USH2A: variants seen among roughly 807,000 people sequenced by gnomAD.
USH2A encodes the protein usherin.
USH2A carries 443 observed loss-of-function variants against 538.9 expected under a neutral mutation model. The ratio of observed to expected loss-of-function variants is 0.82; its 90% CI spans 0.76 to 0.89. The LOEUF (loss-of-function observed/expected upper bound fraction) is 0.89, where lower values mean the gene tolerates loss of function less well. Ranked by LOEUF, USH2A falls within the 40% of genes least tolerant of loss-of-function variation. The pLI is 0.00. For missense variants in USH2A, 6,633 were observed against 6,324.8 expected (o/e 1.05, Z -1.65); for synonymous variants, 2,413 against 2,273.5 (o/e 1.06, Z -1.75).
intron 61 of USH2A, among the ~76,000 whole-genome samples, chr1:215,695,240 T>C (rs1658763417): frequency 1.3e-5 from 2 of 152,216 alleles, no homozygotes; most frequent in African/African-American, 2.4e-5. Flanking sequence ...CTGACACTGA[T>C]ATAAGATGGA....
Position 216,257,339 on chromosome 1 carries a change from G to A in USH2A, c.1972-6241C>T, listed in dbSNP as rs889378183. 2.0e-5 allele frequency among the ~76,000 whole-genome samples: 3 copies of A among 151,442 alleles called. No homozygotes were observed. The South Asian group carries it at 6.2e-4, about 32-fold the overall frequency. The stretch of plus-strand genomic sequence containing the variant: ...TATTTATTTTCTTTCATAGTTATAA[G>A]AATGTTGCCCCACTGTCTTCTTCTT... On this transcript the variant is annotated intron_variant, in intron 11 of 71. Transcript: ENST00000307340.
At chr1:215,810,817 A>C (rs1383144480) in intron 49 of USH2A, among the ~76,000 whole-genome samples, 1 of 152,148 alleles carries the variant, frequency 6.6e-6, no homozygotes, top group Non-Finnish European at 1.5e-5. Context: ...CAAAATCCTT[A>C]TTTCCATATA....
At chr1:215,895,798 G>A (rs1037580222) in intron 40 of USH2A, among the ~76,000 whole-genome samples, 12 of 152,288 alleles carry the variant, frequency 7.9e-5, no homozygotes, top group Admixed American at 3.3e-4. Context: ...ACCATTAGGC[G>A]ATTTCATTGT....
intron 30 of USH2A, among the ~76,000 whole-genome samples, chr1:216,056,320 G>T (rs2102533572): frequency 6.6e-6 from 1 of 152,306 alleles, no homozygotes; most frequent in East Asian, 1.9e-4. Context: ...AAGAGGAAAA[G>T]AAAAGAAAGA....
intron 47 of USH2A, among the ~76,000 whole-genome samples, chr1:215,829,102 A>G (rs762160789): frequency 1.3e-5 from 2 of 152,314 alleles, no homozygotes; most frequent in South Asian, 4.2e-4. Context: ...GTTATCGATC[A>G]GTAGTTAGTA....
intron 41 of USH2A, among the ~76,000 whole-genome samples, chr1:215,883,507 C>T (rs752220883): frequency 4.0e-4 from 61 of 151,380 alleles, no homozygotes; most frequent in South Asian, 1.3e-3. Flanking sequence ...TGAAATTCTC[C>T]TTTTTTTCTA....
chr1:215,627,445 C>CTTCCTTCTTTCCTTCCTTCT (rs1656087845), intron 71 of USH2A, among the ~76,000 whole-genome samples: 5 of 78,740 alleles, frequency 6.4e-5, no homozygotes, highest in South Asian at 4.2e-4. Flanking sequence ...TCCTTCCTTC[C>CTTCCTTCTTTCCTTCCTTCT]TTCCTTCCTT....
At chr1:216,353,812 C>A (rs1430797746) in intron 4 of USH2A, among the ~76,000 whole-genome samples, 1 of 152,050 alleles carries the variant, frequency 6.6e-6, no homozygotes, top group Non-Finnish European at 1.5e-5. Context: ...GCCAGATAAG[C>A]CCTAAAGTCA....
At chr1:215,960,044 A>G (rs1290463268) in intron 37 of USH2A, among the ~76,000 whole-genome samples, 1 of 152,180 alleles carries the variant, frequency 6.6e-6, no homozygotes, top group African/African-American at 2.4e-5. Context: ...GAAGAATCCA[A>G]GGGAAGTCTA....
intron 21 of USH2A, among the ~76,000 whole-genome samples, chr1:216,124,647 A>T (rs1227510606): frequency 6.6e-6 from 1 of 152,184 alleles, no homozygotes; most frequent in Admixed American, 6.5e-5. Context: ...CCGAGTTTTA[A>T]ATCAGAACAA....
At chr1:215,743,386 A>ATATATATATATATATATATGTGTGTGTG (rs878870284) in intron 58 of USH2A, 51 bp from the exon 59 acceptor site, 1 of 310,006 alleles carries the variant, frequency 3.2e-6, no homozygotes, top group African/African-American at 3.3e-5. Flanking sequence ...ATATATATAT[A>ATATATATATATATATATATGTGTGTGTG]TGTGTGTGTG....
rs1165784341 is a variant in USH2A, at chr1:216,289,168, CAT to C, written c.1971+110_1971+111del. On this transcript the variant is annotated intron_variant, in intron 11 of 71. Transcript: ENST00000307340. ...ACCATCTCTTTGAAATGCAAATGCA[CAT>C]AGAGGATTTCCTGGCAAATGCAGTC... 16 of 1,491,912 alleles carry C rather than the reference CAT, an allele frequency of 1.1e-5. No individual in the cohort carries two copies. In the African/African-American group the frequency reaches 1.9e-4, roughly 18 times the overall value. The allele number at this position is 1,491,912 out of a possible 1,614,324, so 92.4% of individuals were successfully genotyped here. A position where few individuals can be genotyped will look rare whatever the true frequency, so the allele number is the denominator to read the frequency against.
chr1:216,355,318 AG>A (rs2038366121), intron 4 of USH2A, among the ~76,000 whole-genome samples: 2 of 56,674 alleles, frequency 3.5e-5, no homozygotes, highest in East Asian at 7.3e-4. Flanking sequence ...AAAGAAAGAA[AG>A]AAAGAAAGAA....
intron 32 of USH2A, among the ~76,000 whole-genome samples, chr1:216,015,989 T>C (rs1668701119): frequency 6.6e-6 from 1 of 152,132 alleles, no homozygotes; most frequent in South Asian, 2.1e-4. Flanking sequence ...TTGGTACATA[T>C]ACACCATGGA....
chr1:216,254,264 A>T (rs1174165089), intron 11 of USH2A, among the ~76,000 whole-genome samples: 1 of 152,158 alleles, frequency 6.6e-6, no homozygotes. Context: ...TCAGTTTCCC[A>T]AGATTCAACT....
rs536470958 is a variant in USH2A at position 216,183,178 on chromosome 1, C to T, written c.4396+7045G>A. On this transcript the variant is annotated intron_variant, in intron 20 of 71. Transcript: ENST00000307340. ...TTCTCTGAAAGTGACATCATCCTTTCATTTGTTTGTTTTGCCCCAGCCTGA... is the reference window on the plus strand; with the variant it reads ...TTCTCTGAAAGTGACATCATCCTTTTATTTGTTTGTTTTGCCCCAGCCTGA... Among the ~76,000 whole-genome samples, 3 of 151,822 alleles carry T rather than the reference C, an allele frequency of 2.0e-5. No individual in the cohort carries two copies. In the East Asian group the frequency reaches 5.8e-4, roughly 30 times the overall value.
intron 22 of USH2A, among the ~76,000 whole-genome samples, chr1:216,093,292 G>A (rs927698476): frequency 6.6e-5 from 10 of 152,144 alleles, no homozygotes; most frequent in African/African-American, 2.4e-4. Context: ...TACTTGGCTG[G>A]CACCTGCGGA....
At chr1:215,627,016 TACA>T (rs543160497) in intron 71 of USH2A, among the ~76,000 whole-genome samples, 94 of 152,320 alleles carry the variant, frequency 6.2e-4, no homozygotes, top group African/African-American at 2.3e-3. Flanking sequence ...TAGTTGAGGT[TACA>T]ACAACATCAA....
chr1:216,285,947 T>A (rs2036874782), intron 11 of USH2A, among the ~76,000 whole-genome samples: 1 of 152,226 alleles, frequency 6.6e-6, no homozygotes. Context: ...CGCTATTGTA[T>A]CTAGGAAGTA....
Sources: gnomAD v4.1 joint callset for allele counts (sites outside exome capture counted in the v4.1 genomes callset) on GRCh38, gnomAD v4.1.1 for gene constraint, MANE v1.5 for transcripts, NCBI Gene and HGNC (gene_info 2026-07-23, HGNC 2026-07-21) for gene names.